The following FN1 variants were observed in gnomAD, a reference collection of about 807,000 sequenced individuals.
FN1 encodes the protein fibronectin.
FN1 carries 106 observed loss-of-function variants against 297.3 expected under a neutral mutation model. The ratio of observed to expected loss-of-function variants is 0.36; its 90% confidence interval spans 0.30 to 0.42. FN1 has a LOEUF of 0.42. Ranked by LOEUF, FN1 falls within the 10% of genes least tolerant of loss-of-function variation. FN1 has a pLI of 1.00. For missense variants in FN1, 2,690 were observed against 3,124.9 expected (o/e 0.86, Z 3.32); for synonymous variants, 1,149 against 1,152.6 (o/e 1.00, Z 0.06).
rs772213289 is a variant in FN1 at position 215,362,071 on chromosome 2, G to A, written c.7260C>T (p.Arg2420=). 1 of 1,613,730 alleles carries A rather than the reference G, an allele frequency of 6.2e-7. No homozygotes were observed. The highest frequency in any genetic ancestry group is 1.1e-5 in the South Asian group (1 of 91,038). ...CTCFGGQRGW[R]CDNCRRPGGE... ...CCCCAGGTCTGCGGCAGTTGTCACA[G>A]CGCCAGCCCTGAGAGAGTAGAGGCA... The change falls in exon 45 of 46, where the codon CGC becomes CGT. Residue 2420 remains arginine, a synonymous_variant. Transcript: ENST00000354785.
chr2:215,420,089 T>C (rs1455877946), intron 11 of FN1, among the ~76,000 whole-genome samples: 1 of 152,158 alleles, frequency 6.6e-6, no homozygotes, highest in Non-Finnish European at 1.5e-5. Flanking sequence ...GTGGGTGATA[T>C]TTACACCCTT....
intron 15 of FN1, among the ~76,000 whole-genome samples, chr2:215,408,661 C>T (rs528056094): frequency 6.6e-5 from 10 of 152,186 alleles, no homozygotes; most frequent in Non-Finnish European, 1.3e-4. Flanking sequence ...TCTACCTTTC[C>T]GGTTCAAGCA....
In FN1 at chr2:215,410,507, CTT is replaced by C. The variant is rs34645626; in HGVS notation, c.1942-395_1942-394del. Among the ~76,000 whole-genome samples the C allele has an allele frequency of 1.0e-3, 134 of 133,954 alleles. 1 individual carries two copies. The highest frequency in any genetic ancestry group is 1.4e-3 in the Admixed American group (18 of 13,270). 87.9% of individuals were successfully genotyped at this position (133,954 alleles called of 152,430 possible). The stretch of plus-strand genomic sequence containing the variant: ...TAGTTGCAGACACTGGGCACCTTCA[CTT>C]TTTTTTTTTTTTTTTGAGACAGAGT... On this transcript the variant is annotated intron_variant, in intron 13 of 45. Coordinates refer to ENST00000354785, the MANE Select transcript of FN1 (RefSeq NM_212482.4).
intron 20 of FN1, among the ~76,000 whole-genome samples, chr2:215,401,275 A>AGGAAG (rs2061114207): frequency 1.1e-5 from 1 of 87,270 alleles, no homozygotes; most frequent in Non-Finnish European, 2.6e-5. Context: ...AGGAAAGGAA[A>AGGAAG]GGAAAGGAAG....
intron 3 of FN1, among the ~76,000 whole-genome samples, chr2:215,432,833 C>A (rs1325731511): frequency 6.6e-6 from 1 of 152,152 alleles, no homozygotes; most frequent in Non-Finnish European, 1.5e-5. Context: ...CTGGGTATAA[C>A]CTACTGGTCA....
Position 215,409,994 on chromosome 2 carries a change from C to T in FN1, c.2062G>A (p.Gly688Ser), listed in dbSNP as rs375296345. The change falls in exon 14 of 46, where the codon GGC (glycine) becomes AGC (serine). Residue 688 changes from glycine (G) to serine (S), a missense_variant. Coordinates refer to ENST00000354785, the MANE Select transcript of FN1 (RefSeq NM_212482.4). ...EGQLISIQQY[G>S]HQEVTRFDFT... Reference sequence around the variant, plus strand: ...TCAAAGCGAGTCACTTCTTGGTGGCCGTACTGCTGGATGCTGATGAGCTGG... The same window carrying T: ...TCAAAGCGAGTCACTTCTTGGTGGCTGTACTGCTGGATGCTGATGAGCTGG... The T allele has an allele frequency of 1.5e-5, 25 of 1,613,724 alleles. No individual in the cohort carries two copies. Among genetic ancestry groups the T allele is most frequent in the South Asian group, 2.2e-5 (2 of 91,056 alleles).
chr2:215,362,242 C>T, intron 44 of FN1, 163 bp from the exon 45 acceptor site: 4 of 658,464 alleles, frequency 6.1e-6, no homozygotes, highest in Non-Finnish European at 8.3e-6. Flanking sequence ...ATTTATAACT[C>T]TTAATACATT....
At chr2:215,375,507 A>G in intron 37 of FN1, 114 bp from the exon 38 acceptor site, 1 of 1,268,488 alleles carries the variant, frequency 7.9e-7, no homozygotes, top group Non-Finnish European at 1.1e-6. Context: ...AATACTGTAA[A>G]CCGGAAACAA....
rs746989192 is a variant in FN1, at chr2:215,433,309, C to A, written c.415+15G>T. The A allele has an allele frequency of 3.1e-6, 5 of 1,613,872 alleles. No homozygotes were observed. Among genetic ancestry groups the A allele is most frequent in the Non-Finnish European group, 4.2e-6 (5 of 1,179,870 alleles). On this transcript the variant is annotated intron_variant, in intron 3 of 45. Coordinates refer to ENST00000354785, the MANE Select transcript of FN1 (RefSeq NM_212482.4). The stretch of plus-strand genomic sequence containing the variant: ...TTTGATATTTTGGCATCATTTTACA[C>A]AATCTCTTCCTTACTTGCGATGGTA...
intron 4 of FN1, 64 bp from the exon 5 acceptor site, chr2:215,430,916 T>G: frequency 6.4e-7 from 1 of 1,574,378 alleles, no homozygotes; most frequent in Non-Finnish European, 8.7e-7. Flanking sequence ...AAGCTCCCTG[T>G]AATTTAAAGT....
rs140828541 is a variant in FN1, at chr2:215,404,616, G to T, written c.3026C>A (p.Thr1009Asn). 196 of 1,613,842 alleles carry T rather than the reference G, an allele frequency of 1.2e-4. No homozygotes were observed. The highest frequency in any genetic ancestry group is 1.6e-4 in the Non-Finnish European group (188 of 1,179,850). ...CCATCTCACCAGGACAGTAGAATCA[G>T]TTTCATTGACAAACTGGAGGTTAGT... Reference protein sequence around the residue: ...APTNLQFVNETDSTVLVRWTP... With the variant: ...APTNLQFVNENDSTVLVRWTP... Residue 1009 changes from threonine to asparagine, a missense_variant, in exon 20 of 46, where the codon ACT (threonine) becomes AAT (asparagine). Coordinates refer to ENST00000354785, the MANE Select transcript of FN1 (RefSeq NM_212482.4).
Position 215,365,557 on chromosome 2 carries a change from C to T in FN1, c.7092G>A (p.Met2364Ile), listed in dbSNP as rs1372226584. 6.2e-7 allele frequency: 1 copy of T among 1,614,102 alleles called. No individual in the cohort carries two copies. The highest frequency in any genetic ancestry group is 2.2e-5 in the East Asian group (1 of 44,882). The change falls in exon 43 of 46, where the codon ATG becomes ATA. Residue 2364 changes from methionine to isoleucine, a missense_variant. Physicochemically the swap from Met to Ile is conservative, Grantham distance 10. Around this residue, in one of 3 missense-constraint regions of FN1, gnomAD observed 1,743 missense variants for 1,945.2 expected, o/e 0.90. Transcript: ENST00000354785. ...CGTTCCCAAGACATGTGCAGCTCAT[C>T]ATCTGGCCATTTTCTCCCTGACGGT... is the stretch of plus-strand genomic sequence containing the variant. ...KWDRQGENGQ[M>I]MSCTCLGNGK...
chr2:215,378,147 G>A (rs775680819), intron 35 of FN1, 28 bp downstream of exon 35: 1 of 1,301,218 alleles, frequency 7.7e-7, no homozygotes, highest in Non-Finnish European at 1.1e-6. Context: ...CAGAAGGTTT[G>A]TCCATATGAA....
At chr2:215,415,010 C>G in intron 12 of FN1, 52 bp from the exon 13 acceptor site, 1 of 1,425,932 alleles carries the variant, frequency 7.0e-7, no homozygotes, top group Non-Finnish European at 9.9e-7. Flanking sequence ...CTCACTTCAA[C>G]TTAAAACTGT....
intron 24 of FN1, 58 bp downstream of exon 24, chr2:215,394,470 T>G: frequency 7.3e-7 from 1 of 1,374,522 alleles, no homozygotes; most frequent in Non-Finnish European, 1.0e-6. Flanking sequence ...ATTAAGATGC[T>G]AATCCCCACT....
At chr2:215,417,411 A>G (rs1336631711) in intron 12 of FN1, among the ~76,000 whole-genome samples, 1 of 152,172 alleles carries the variant, frequency 6.6e-6, no homozygotes, top group Non-Finnish European at 1.5e-5. Context: ...AACATTTATG[A>G]TTTTTTGACT....
At chr2:215,398,194 A>G (rs191347338) in intron 21 of FN1, among the ~76,000 whole-genome samples, 35 of 152,354 alleles carry the variant, frequency 2.3e-4, no homozygotes, top group African/African-American at 6.5e-4. Flanking sequence ...TGTGTGTGCT[A>G]GAAGGAATGT....
intron 25 of FN1, 151 bp downstream of exon 25, chr2:215,392,780 T>C: frequency 3.8e-6 from 3 of 786,138 alleles, no homozygotes; most frequent in Admixed American, 3.9e-5. Context: ...GTTTAGCAGA[T>C]GCATTTGATT....
chr2:215,370,075 C>CT (rs1423726152), intron 41 of FN1, among the ~76,000 whole-genome samples: 1 of 152,156 alleles, frequency 6.6e-6, no homozygotes, highest in Non-Finnish European at 1.5e-5. Context: ...ATTTGAGAGT[C>CT]TGTCAATTAC....
Sources: allele counts gnomAD v4.1 joint callset (sites outside exome capture counted in the v4.1 genomes callset), GRCh38; gene constraint gnomAD v4.1.1; regional missense constraint gnomAD v4.1.1; transcripts MANE v1.5; gene names NCBI Gene and HGNC (gene_info 2026-07-23, HGNC 2026-07-21).